DNAH14: variants seen among roughly 807,000 people sequenced by gnomAD.
The protein encoded by DNAH14 is axonemal beta dynein heavy chain 14.
DNAH14 carries 478 observed loss-of-function variants against 520.9 expected under a neutral mutation model. The observed-to-expected ratio is 0.92, with a 90% CI of 0.85 to 0.99. DNAH14 has a LOEUF of 0.99. Among genes scored for constraint, DNAH14 ranks in the 50% least tolerant of loss-of-function variants. DNAH14 has a pLI of 0.00. For synonymous variants in DNAH14, 1,581 were observed against 1,757.2 expected, an observed-to-expected ratio of 0.90 and a Z score of 2.51; for missense variants, 4,831 against 5,234.5, an observed-to-expected ratio of 0.92 and a Z score of 2.38.
At chr1:224,976,408 AT>A (rs1236304697) in intron 8 of DNAH14, among the ~76,000 whole-genome samples, 3 of 152,194 alleles carry the variant, frequency 2.0e-5, no homozygotes, top group Non-Finnish European at 2.9e-5. Flanking sequence ...AGGCATTACC[AT>A]TCAGGACATA....
intron 28 of DNAH14, among the ~76,000 whole-genome samples, chr1:225,141,285 T>C (rs773718260): frequency 1.7e-4 from 26 of 152,144 alleles, no homozygotes; most frequent in Non-Finnish European, 2.4e-4. Flanking sequence ...CAGATCACAT[T>C]CACATAACAT....
intron 31 of DNAH14, among the ~76,000 whole-genome samples, chr1:225,149,859 G>A (rs1422712157): frequency 3.3e-5 from 5 of 152,266 alleles, no homozygotes; most frequent in Admixed American, 1.3e-4. Context: ...GGGATAGTTC[G>A]ACTTCCTCTC....
At chr1:225,050,397 T>A in intron 16 of DNAH14, 21 bp downstream of exon 16, 1 of 1,516,070 alleles carries the variant, frequency 6.6e-7, no homozygotes. Context: ...AAACAGTTCA[T>A]TTTAGGAAAT....
Position 225,303,260 on chromosome 1 carries a change from C to A in DNAH14, c.8736C>A (p.Ile2912=), listed in dbSNP as rs1450957747. ...CTTCTATGATTAGCTCCTGCACGATCGATTGGTATGAGAGGTGGCCAGAAG... is the reference window on the plus strand; with the variant it reads ...CTTCTATGATTAGCTCCTGCACGATAGATTGGTATGAGAGGTGGCCAGAAG... ...VYPSMISSCT[I]DWYERWPEEA... Residue 2912 remains isoleucine (I), a synonymous_variant, in exon 57 of 86, where the codon ATC becomes ATA. Coordinates refer to ENST00000682510, the MANE Select transcript of DNAH14 (RefSeq NM_001367479.1). 1 of 1,551,454 alleles carries A rather than the reference C, an allele frequency of 6.4e-7. No individual in the cohort carries two copies. Among genetic ancestry groups the A allele is most frequent in the East Asian group, 2.4e-5 (1 of 40,920 alleles).
chr1:225,297,271 T>C (rs2150043710), intron 55 of DNAH14, among the ~76,000 whole-genome samples: 1 of 152,292 alleles, frequency 6.6e-6, no homozygotes, highest in East Asian at 1.9e-4. Context: ...TAAACTATCT[T>C]CCTGATTTTG....
chr1:225,357,777 C>T (rs945431003), intron 73 of DNAH14: 16 of 701,874 alleles, frequency 2.3e-5, no homozygotes, highest in Admixed American at 1.6e-4. Flanking sequence ...GGCACACTGA[C>T]GTGTGTAGCT....
intron 17 of DNAH14, among the ~76,000 whole-genome samples, chr1:225,076,927 A>G (rs2072353308): frequency 6.6e-6 from 1 of 151,868 alleles, no homozygotes; most frequent in South Asian, 2.1e-4. Flanking sequence ...TATTTCTCCT[A>G]ATGCTATCCC....
intron 11 of DNAH14, among the ~76,000 whole-genome samples, chr1:225,028,782 A>G (rs2066322071): frequency 6.6e-6 from 1 of 152,060 alleles, no homozygotes; most frequent in Non-Finnish European, 1.5e-5. Context: ...AATGGCTAAA[A>G]CAATACCAAC....
chr1:225,289,902 TG>T lies in DNAH14; in HGVS notation c.8292del (p.Thr2767HisfsTer9), dbSNP rs2149990648. 7.0e-7 allele frequency: 1 copy of T among 1,423,328 alleles called. No homozygotes were observed. Among genetic ancestry groups the T allele is most frequent in the Non-Finnish European group, 9.3e-7 (1 of 1,078,416 alleles). The allele number at this position is 1,423,328 out of a possible 1,614,324, so 88.2% of individuals were successfully genotyped here. ...HMLLIGIDGC[G>X]KKTCATLACY... ...TCCCAAAGATTGGAATAGATGGATGTGGGAAAAAAACATGTGCAACCTTGGC... is the reference window on the plus strand; with the variant it reads ...TCCCAAAGATTGGAATAGATGGATGTGGAAAAAAACATGTGCAACCTTGGC... On this transcript the variant is annotated frameshift_variant, in exon 55 of 86. Coordinates refer to ENST00000682510, the MANE Select transcript of DNAH14 (RefSeq NM_001367479.1). LOFTEE classifies it high-confidence loss of function.
intron 72 of DNAH14, among the ~76,000 whole-genome samples, chr1:225,352,633 A>AT (rs1291676430): frequency 6.6e-6 from 1 of 151,952 alleles, no homozygotes; most frequent in Non-Finnish European, 1.5e-5. Flanking sequence ...TTTTTTTTAA[A>AT]TTTTGCCCAT....
At chr1:225,278,055 C>CA (rs2093533742) in intron 54 of DNAH14, among the ~76,000 whole-genome samples, 1 of 150,252 alleles carries the variant, frequency 6.7e-6, no homozygotes, top group East Asian at 1.9e-4. Flanking sequence ...GCACTTTTCT[C>CA]AAAAAGAATT....
intron 23 of DNAH14, among the ~76,000 whole-genome samples, chr1:225,101,155 CT>C (rs565774205): frequency 4.9e-4 from 72 of 147,190 alleles, no homozygotes; most frequent in Non-Finnish European, 2.6e-4. Flanking sequence ...GATATCCTAT[CT>C]TTTTTTTTTA....
At chr1:225,133,186 A>G (rs973601528) in intron 27 of DNAH14, among the ~76,000 whole-genome samples, 1 of 152,022 alleles carries the variant, frequency 6.6e-6, no homozygotes. Flanking sequence ...GTTCACTCTG[A>G]TGATAGTTTC....
Position 224,974,157 on chromosome 1 carries a change from A to G in DNAH14, c.830+4A>G. ...GAATTAAGACAGAGAAGAGCAGGTAAGTTTTGATACGCAATATATAAAAAT... is the reference window on the plus strand; with the variant it reads ...GAATTAAGACAGAGAAGAGCAGGTAGGTTTTGATACGCAATATATAAAAAT... On this transcript the variant is annotated splice_donor_region_variant and intron_variant, in intron 8 of 85. Transcript: ENST00000682510. The G allele has an allele frequency of 6.8e-7, 1 of 1,466,696 alleles. No individual in the cohort carries two copies. Among genetic ancestry groups the G allele is most frequent in the South Asian group, 1.5e-5 (1 of 68,610 alleles). 90.9% of individuals were successfully genotyped at this position (1,466,696 alleles called of 1,614,324 possible).
chr1:225,023,735 C>T lies in DNAH14; in HGVS notation c.1228C>T (p.Leu410=). 1 of 1,550,782 alleles carries T rather than the reference C, an allele frequency of 6.4e-7. No individual in the cohort carries two copies. Among genetic ancestry groups the T allele is most frequent in the African/African-American group, 1.4e-5 (1 of 73,092 alleles). The change falls in exon 11 of 86, where the codon CTG becomes TTG. Residue 410 remains leucine, a synonymous_variant. Transcript: ENST00000682510. ...AGAAACATTTTTCAAGTTTGTAATG[C>T]TGGTTGACTACATATTTCAGGAACT... The part of the protein sequence containing the change: ...LLETFFKFVM[L]VDYIFQELIR...
At chr1:224,957,339 G>T (rs1043684021) in intron 3 of DNAH14, among the ~76,000 whole-genome samples, 2 of 152,090 alleles carry the variant, frequency 1.3e-5, no homozygotes, top group Non-Finnish European at 2.9e-5. Flanking sequence ...TGTTGAATTT[G>T]GGGTACCTTT....
chr1:225,194,777 A>G (rs4653613), intron 38 of DNAH14, among the ~76,000 whole-genome samples: 47,818 of 151,674 alleles, frequency 0.32, 8,699 homozygotes, highest in East Asian at 0.61. Context: ...TCCGATAAAA[A>G]TCTAATATCT....
chr1:224,938,805 GATAA>G, intron 1 of DNAH14, among the ~76,000 whole-genome samples: 1 of 152,184 alleles, frequency 6.6e-6, no homozygotes, highest in Middle Eastern at 3.4e-3. Flanking sequence ...CCCATCAATG[GATAA>G]ATAAAGAAAA....
chr1:225,351,941 T>C, intron 72 of DNAH14, 58 bp downstream of exon 72: 2 of 1,370,960 alleles, frequency 1.5e-6, no homozygotes, highest in Non-Finnish European at 2.0e-6. Context: ...TGTATGGATT[T>C]TCAATTTGTA....
Sources: gnomAD v4.1 joint callset for allele counts (sites outside exome capture counted in the v4.1 genomes callset) on GRCh38, gnomAD v4.1.1 for gene constraint, MANE v1.5 for transcripts, NCBI Gene and HGNC (gene_info 2026-07-23, HGNC 2026-07-21) for gene names.